GDPD5: variants seen among roughly 807,000 people sequenced by gnomAD.
GDPD5 encodes glycerophosphodiester phosphodiesterase 2.
GDPD5 carries 48 observed loss-of-function variants against 75.1 expected under a neutral mutation model. That is an observed-to-expected ratio of 0.64 (90% CI 0.51 to 0.81). GDPD5 has a LOEUF of 0.81. GDPD5 is among the 40% of genes least tolerant of loss of function. The pLI, the probability that GDPD5 is intolerant of heterozygous loss-of-function variation, is 0.00. For missense variants in GDPD5, 706 were observed against 822.6 expected, an observed-to-expected ratio of 0.86 and a Z score of 1.73; for synonymous variants, 336 against 339.0, an observed-to-expected ratio of 0.99 and a Z score of 0.10.
chr11:75,522,896 G>A (rs1355954519), intron 1 of GDPD5, among the ~76,000 whole-genome samples: 1 of 152,096 alleles, frequency 6.6e-6, no homozygotes, highest in Non-Finnish European at 1.5e-5. Flanking sequence ...AAGGGAGGGG[G>A]TAAGAATCCA....
At chr11:75,490,031 A>G (rs117591090) in intron 2 of GDPD5, among the ~76,000 whole-genome samples, 1 of 152,308 alleles carries the variant, frequency 6.6e-6, no homozygotes, top group Non-Finnish European at 1.5e-5. Flanking sequence ...GGGCTCTCAG[A>G]CAAGTATCTG....
At chr11:75,512,298 AC>A (rs1439342275) in intron 1 of GDPD5, among the ~76,000 whole-genome samples, 29 of 151,116 alleles carry the variant, frequency 1.9e-4, no homozygotes, top group African/African-American at 7.1e-4. Flanking sequence ...ACACACACAC[AC>A]ACACACACAC....
At chr11:75,447,215 A>G (rs1949007480) in intron 9 of GDPD5, among the ~76,000 whole-genome samples, 1 of 152,216 alleles carries the variant, frequency 6.6e-6, no homozygotes, top group Non-Finnish European at 1.5e-5. Context: ...GGCACTCAGG[A>G]GACACGCCAA....
intron 9 of GDPD5, among the ~76,000 whole-genome samples, chr11:75,444,837 T>C (rs955277488): frequency 3.9e-5 from 6 of 152,102 alleles, no homozygotes; most frequent in Admixed American, 6.5e-5. Context: ...AGCTAGACAC[T>C]GGGGCTGGAG....
chr11:75,524,792 T>C (rs1280371875), intron 1 of GDPD5, among the ~76,000 whole-genome samples: 9 of 152,036 alleles, frequency 5.9e-5, no homozygotes, highest in African/African-American at 2.2e-4. Context: ...GCGGGTGACA[T>C]GGCCAGGGAG....
At chr11:75,436,376 C>A (rs1948625254) in intron 16 of GDPD5, among the ~76,000 whole-genome samples, 1 of 152,154 alleles carries the variant, frequency 6.6e-6, no homozygotes, top group African/African-American at 2.4e-5. Context: ...CATCTTGAAG[C>A]CATTACCAAA....
At chr11:75,473,413 C>T (rs571619239) in intron 3 of GDPD5, among the ~76,000 whole-genome samples, 2 of 152,160 alleles carry the variant, frequency 1.3e-5, no homozygotes, top group East Asian at 1.9e-4. Context: ...CACTGTCAGA[C>T]ACTCCTTCCT....
intron 3 of GDPD5, among the ~76,000 whole-genome samples, chr11:75,468,016 C>T (rs1358498685): frequency 3.3e-5 from 5 of 152,200 alleles, no homozygotes; most frequent in African/African-American, 1.2e-4. Flanking sequence ...CATACAGTCA[C>T]AGAGCACGAC....
chr11:75,469,789 A>G (rs1949616736), intron 3 of GDPD5, among the ~76,000 whole-genome samples: 1 of 152,270 alleles, frequency 6.6e-6, no homozygotes, highest in African/African-American at 2.4e-5. Context: ...ATGATGGGGA[A>G]TTCAACTTAT....
At chr11:75,519,856 C>T (rs574721846) in intron 1 of GDPD5, among the ~76,000 whole-genome samples, 10 of 152,324 alleles carry the variant, frequency 6.6e-5, no homozygotes, top group Middle Eastern at 3.4e-3. Flanking sequence ...TGTTACATTT[C>T]GGTTGGATGT....
chr11:75,516,812 A>G (rs1950647678), intron 1 of GDPD5, among the ~76,000 whole-genome samples: 1 of 152,258 alleles, frequency 6.6e-6, no homozygotes, highest in Non-Finnish European at 1.5e-5. Flanking sequence ...AAGAGATAAA[A>G]TGATTCTTCC....
chr11:75,496,779 C>CTTTAT, intron 1 of GDPD5, among the ~76,000 whole-genome samples: 1 of 103,134 alleles, frequency 9.7e-6, no homozygotes, highest in Non-Finnish European at 1.8e-5. Flanking sequence ...TTCTTTCTTT[C>CTTTAT]TTTTTTTTTT....
chr11:75,506,194 A>C (rs1317905933), intron 1 of GDPD5, among the ~76,000 whole-genome samples: 3 of 152,118 alleles, frequency 2.0e-5, no homozygotes, highest in Admixed American at 2.0e-4. Flanking sequence ...TTTCCAGACA[A>C]AGACGTTTTC....
Position 75,441,669 on chromosome 11 carries a change from A to G in GDPD5, c.1302T>C (p.Thr434=). 1 of 1,595,466 alleles carries G rather than the reference A, an allele frequency of 6.3e-7. No homozygotes were observed. The highest frequency in any genetic ancestry group is 8.5e-7 in the Non-Finnish European group (1 of 1,172,196). ...GHIQRLNLRY[T]QVSRQELRDY... ...ACCTGAGCTCCTGGCGGGACACCTG[A>G]GTGTAGCGCAGGTTCAGCCGCTGGA... is the stretch of plus-strand genomic sequence containing the variant. Residue 434 remains threonine (T), a synonymous_variant, in exon 13 of 17, where the codon ACT becomes ACC. Transcript: ENST00000336898.
At chr11:75,457,051 T>G (rs1949300164) in intron 5 of GDPD5, among the ~76,000 whole-genome samples, 1 of 152,230 alleles carries the variant, frequency 6.6e-6, no homozygotes, top group African/African-American at 2.4e-5. Context: ...TCTGTGTGAT[T>G]CCCCGTCAAG....
intron 2 of GDPD5, among the ~76,000 whole-genome samples, chr11:75,489,424 G>A (rs902604539): frequency 2.0e-5 from 3 of 152,250 alleles, no homozygotes; most frequent in Admixed American, 6.5e-5. Flanking sequence ...TTCAAATGTC[G>A]AGGTTTCACC....
intron 1 of GDPD5, among the ~76,000 whole-genome samples, chr11:75,500,287 TCTC>T (rs758053769): frequency 2.0e-5 from 3 of 151,934 alleles, no homozygotes; most frequent in Non-Finnish European, 2.9e-5. Context: ...CCTCCCTTTC[TCTC>T]CTCCCTTCTC....
intron 2 of GDPD5, among the ~76,000 whole-genome samples, chr11:75,490,012 CA>C (rs1454568429): frequency 1.3e-5 from 2 of 152,208 alleles, no homozygotes; most frequent in African/African-American, 2.4e-5. Context: ...ACCATGGCAT[CA>C]GCCTCATGGG....
chr11:75,521,083 T>C (rs1342753679), intron 1 of GDPD5, among the ~76,000 whole-genome samples: 3 of 152,122 alleles, frequency 2.0e-5, no homozygotes, highest in South Asian at 4.1e-4. Flanking sequence ...CGAAAGACGA[T>C]GTAGAAAGCT....
Sources: allele counts gnomAD v4.1 joint callset (sites outside exome capture counted in the v4.1 genomes callset), GRCh38; gene constraint gnomAD v4.1.1; transcripts MANE v1.5; gene names NCBI Gene and HGNC (gene_info 2026-07-23, HGNC 2026-07-21).